ZNF248: variants seen among roughly 807,000 people sequenced by gnomAD.
ZNF248 encodes the protein KRAB protein domain.
Under a neutral mutation model 44.3 loss-of-function variants are expected in ZNF248, and 20 were observed. The observed-to-expected ratio is 0.45, with a 90% CI of 0.32 to 0.66. The LOEUF (loss-of-function observed/expected upper bound fraction) is 0.66. Ranked by LOEUF, ZNF248 falls within the 30% of genes least tolerant of loss-of-function variation. The pLI is 0.04. For missense variants in ZNF248, 654 were observed against 677.0 expected (o/e 0.97, Z 0.38); for synonymous variants, 224 against 229.0 (o/e 0.98, Z 0.20).
the ZNF248 span, among the ~76,000 whole-genome samples, chr10:37,766,213 A>G: frequency 7.2e-5 from 11 of 152,200 alleles, no homozygotes; most frequent in African/African-American, 2.7e-4. Context: ...GACAGCAGTA[A>G]CCTCTGCAGA....
At chr10:37,776,540 C>T (rs918538711) in exon 7 of ZNF248, 5 of 398,486 alleles carry the variant, frequency 1.3e-5, no homozygotes, top group Admixed American at 4.4e-5. Context: ...TCTTACTTCA[C>T]AAGAACTGCT....
At chr10:37,777,992 A>G (rs1304243124) in intron 6 of ZNF248, among the ~76,000 whole-genome samples, 1 of 151,846 alleles carries the variant, frequency 6.6e-6, no homozygotes, top group African/African-American at 2.4e-5. Flanking sequence ...GCTGCAATAA[A>G]CATACGTGTG....
chr10:37,772,389 T>A (rs1240952757), downstream of ZNF248, among the ~76,000 whole-genome samples: 1 of 152,110 alleles, frequency 6.6e-6, no homozygotes, highest in Non-Finnish European at 1.5e-5. Flanking sequence ...GTTACATATA[T>A]AATATATATT....
intron 6 of ZNF248, among the ~76,000 whole-genome samples, chr10:37,800,958 C>T (rs2049741511): frequency 6.6e-6 from 1 of 151,728 alleles, no homozygotes. Context: ...GATGGGGTTT[C>T]ACCATATTGG....
chr10:37,765,918 A>C, the ZNF248 span, among the ~76,000 whole-genome samples: 1 of 152,288 alleles, frequency 6.6e-6, no homozygotes, highest in Non-Finnish European at 1.5e-5. Flanking sequence ...CTAATACTGC[A>C]CTTTTCCAAC....
rs148107176 is a variant in ZNF248, at chr10:37,854,558, A to G, written c.15+1738T>C. Among the ~76,000 whole-genome samples, 56 of 152,314 alleles carry G rather than the reference A, an allele frequency of 3.7e-4. No homozygotes were observed. In the East Asian group the frequency reaches 6.6e-3, roughly 18 times the overall value. On this transcript the variant is annotated intron_variant, in intron 3 of 5. Coordinates refer to ENST00000395867, the MANE Select transcript of ZNF248 (RefSeq NM_021045.3). ...TTACCTATCGGTTGCCCCAAATCCA[A>G]AAGTTGAACCACATATTCTATGGGA...
rs553121839 is a variant in ZNF248 at position 37,841,475 on chromosome 10, A to G, written c.16-3364T>C. ...AAAAAAAAAAAAAAGGTAGTGTTGG[A>G]TTATAACCAAAGTATAAAATAACTA... On this transcript the variant is annotated intron_variant, in intron 3 of 5. Transcript: ENST00000395867. Among the ~76,000 whole-genome samples, 4 of 151,968 alleles carry G rather than the reference A, an allele frequency of 2.6e-5. No individual in the cohort carries two copies. The South Asian group carries it at 6.2e-4, about 24-fold the overall frequency.
the ZNF248 span, among the ~76,000 whole-genome samples, chr10:37,760,849 T>A: frequency 6.6e-6 from 1 of 152,104 alleles, no homozygotes; most frequent in Non-Finnish European, 1.5e-5. Context: ...GAAAAAAAAG[T>A]ATTATAAAGA....
downstream of ZNF248, among the ~76,000 whole-genome samples, chr10:37,772,510 T>C (rs545558724): frequency 1.7e-4 from 26 of 152,238 alleles, no homozygotes; most frequent in African/African-American, 5.5e-4. Flanking sequence ...ATAAGCACAG[T>C]GGAGGCTGAA....
chr10:37,772,596 C>G (rs1177658968), downstream of ZNF248, among the ~76,000 whole-genome samples: 1 of 152,078 alleles, frequency 6.6e-6, no homozygotes, highest in Non-Finnish European at 1.5e-5. Flanking sequence ...CCAAATCAAC[C>G]AGAGAGAAAA....
intron 6 of ZNF248, among the ~76,000 whole-genome samples, chr10:37,804,636 C>T (rs1157545054): frequency 5.3e-5 from 8 of 152,118 alleles, no homozygotes; most frequent in Admixed American, 5.2e-4. Flanking sequence ...AAGGTCTTGC[C>T]ATGTTGGCCA....
intron 6 of ZNF248, among the ~76,000 whole-genome samples, chr10:37,810,139 CT>C (rs891533252): frequency 1.3e-5 from 2 of 152,160 alleles, no homozygotes; most frequent in Non-Finnish European, 2.9e-5. Context: ...TAAAAATAAC[CT>C]TAACCTTGAT....
chr10:37,819,017 G>C, intron 6 of ZNF248: 2 of 860,970 alleles, frequency 2.3e-6, no homozygotes, highest in South Asian at 2.6e-5. Flanking sequence ...AGCACCTTGT[G>C]ATGTCAGCTC....
chr10:37,806,022 C>A (rs2050506864), intron 6 of ZNF248, among the ~76,000 whole-genome samples: 2 of 152,130 alleles, frequency 1.3e-5, no homozygotes, highest in South Asian at 4.1e-4. Context: ...AATTGTTGAG[C>A]AAGATAGTAA....
At chr10:37,773,542 G>A (rs1050403837), downstream of ZNF248, among the ~76,000 whole-genome samples, 18 of 152,154 alleles carry the variant, frequency 1.2e-4, no homozygotes, top group Non-Finnish European at 2.9e-5. Context: ...TTCTGGGGAT[G>A]CCATAACAAA....
Position 37,785,337 on chromosome 10 carries a change from G to A in ZNF248, c.331-8762C>T, listed in dbSNP as rs143837568. Reference sequence around the variant, plus strand: ...TAGTACAAACTGAGCAGCTGACTTAGTGTAATCTATTGACTATGTGACTAC... The same window carrying A: ...TAGTACAAACTGAGCAGCTGACTTAATGTAATCTATTGACTATGTGACTAC... On this transcript the variant is annotated intron_variant, in intron 6 of 6. Transcript: ENST00000615949. Among the ~76,000 whole-genome samples the A allele has an allele frequency of 9.0e-3, 1,378 of 152,276 alleles. 7 individuals carry two copies. Among genetic ancestry groups the A allele is most frequent in the Non-Finnish European group, 0.015 (995 of 68,014 alleles).
downstream of ZNF248, among the ~76,000 whole-genome samples, chr10:37,825,647 C>G (rs1208719): frequency 0.06 from 9,103 of 152,092 alleles, 353 homozygotes; most frequent in Middle Eastern, 0.095. Context: ...CACCATATTG[C>G]CCAGGCTGGT....
In ZNF248 at chr10:37,829,904, C is replaced by T. The variant is rs887192711; in HGVS notation, c.*1711G>A. ...GCTTTGACTAATCTGGACTTACCAC[C>T]TAAGTCATCTGGGAGAAGGATGCAC... is the stretch of plus-strand genomic sequence containing the variant. On this transcript the variant is annotated 3_prime_UTR_variant, in exon 6 of 6. Coordinates refer to ENST00000395867, the MANE Select transcript of ZNF248 (RefSeq NM_021045.3). The T allele has an allele frequency of 1.7e-5, 17 of 985,234 alleles. No homozygotes were observed. Among genetic ancestry groups the T allele is most frequent in the Non-Finnish European group, 2.0e-5 (17 of 829,936 alleles). 61.0% of individuals were successfully genotyped at this position (985,234 alleles called of 1,614,324 possible). A position where few individuals can be genotyped will look rare whatever the true frequency, so the allele number is the denominator to read the frequency against.
At chr10:37,822,979 A>C (rs1408469514) in intron 6 of ZNF248, among the ~76,000 whole-genome samples, 1 of 152,170 alleles carries the variant, frequency 6.6e-6, no homozygotes, top group Non-Finnish European at 1.5e-5. Context: ...GTTCTAAAAA[A>C]CATACAGAAT....
Sources: gnomAD v4.1 joint callset for allele counts (sites outside exome capture counted in the v4.1 genomes callset) on GRCh38, gnomAD v4.1.1 for gene constraint, MANE v1.5 for transcripts, NCBI Gene and HGNC (gene_info 2026-07-23, HGNC 2026-07-21) for gene names.